Variants in RIC1 observed in about 807,000 individuals in gnomAD.
RIC1 encodes the protein guanine nucleotide exchange factor subunit RIC1.
RIC1 carries 88 observed loss-of-function variants against 169.0 expected under a neutral mutation model. The ratio of observed to expected loss-of-function variants is 0.52; its 90% confidence interval spans 0.44 to 0.62. The LOEUF (loss-of-function observed/expected upper bound fraction) is 0.62, where lower values mean the gene tolerates loss of function less well. Ranked by LOEUF, RIC1 falls within the 20% of genes least tolerant of loss-of-function variation. The pLI is 0.00. For synonymous variants in RIC1, 790 were observed against 601.5 expected (o/e 1.31, Z -4.59); for missense variants, 1,877 against 1,725.5 (o/e 1.09, Z -1.56).
At position 5,769,039 on chromosome 9, in the gene RIC1, C is replaced by T. The variant is rs1327754155; in HGVS notation, c.3207C>T (p.Arg1069=). Residue 1069 remains arginine (R), a synonymous_variant, in exon 22 of 26, where the codon CGC becomes CGT. Transcript: ENST00000414202. ...TGATGCTCTGGAGACATGCTCGGCG[C>T]CTCTTAGAAGATGTGAGGTTAAAGG... ...IDMMLWRHAR[R]LLEDVRLKDL... 2 of 1,613,958 alleles carry T rather than the reference C, an allele frequency of 1.2e-6. No homozygotes were observed. Among genetic ancestry groups the T allele is most frequent in the Admixed American group, 3.3e-5 (2 of 59,998 alleles).
In RIC1 at chr9:5,756,309, T is replaced by C; in HGVS notation, c.1790T>C (p.Met597Thr). Residue 597 changes from methionine to threonine, a missense_variant, in exon 16 of 26, where the codon ATG becomes ACG. Around this residue, in one of 3 missense-constraint regions of RIC1, gnomAD observed 1,104 missense variants for 992.0 expected, o/e 1.11. Transcript: ENST00000414202. ...TTACTGCTTAGTGTCTTCCAGGACA[T>C]GGTAATAGTATTTAGAGCAGACTGT... ...ETLLLSVFQD[M>T]VIVFRADCSI... is the part of the protein sequence containing the mutation. 2 of 1,598,328 alleles carry C rather than the reference T, an allele frequency of 1.3e-6. No homozygotes were observed. Among genetic ancestry groups the C allele is most frequent in the South Asian group, 1.1e-5 (1 of 88,374 alleles).
intron 2 of RIC1, among the ~76,000 whole-genome samples, chr9:5,671,899 C>A (rs1197495915): frequency 1.3e-5 from 2 of 152,156 alleles, no homozygotes; most frequent in African/African-American, 4.8e-5. Context: ...TCTAAGTGAG[C>A]TTAAAAAAGT....
chr9:5,715,563 A>C (rs963684468), intron 4 of RIC1, among the ~76,000 whole-genome samples: 1 of 152,186 alleles, frequency 6.6e-6, no homozygotes, highest in Admixed American at 6.5e-5. Context: ...AAGACATGAA[A>C]CTTAGATTTT....
At chr9:5,700,672 G>A (rs756446974) in intron 3 of RIC1, among the ~76,000 whole-genome samples, 3 of 151,848 alleles carry the variant, frequency 2.0e-5, no homozygotes, top group Non-Finnish European at 4.4e-5. Flanking sequence ...CATTTCATGA[G>A]CAGGTATTTT....
chr9:5,639,962 T>C (rs1208643238), intron 1 of RIC1, among the ~76,000 whole-genome samples: 1 of 152,204 alleles, frequency 6.6e-6, no homozygotes, highest in Non-Finnish European at 1.5e-5. Context: ...TGCATACCTT[T>C]GTATGTGAAG....
At chr9:5,702,194 A>C (rs1822262574) in intron 3 of RIC1, among the ~76,000 whole-genome samples, 3 of 152,244 alleles carry the variant, frequency 2.0e-5, no homozygotes, top group Admixed American at 2.0e-4. Context: ...TAGCTTTGGG[A>C]GGCAGTTTAG....
intron 6 of RIC1, among the ~76,000 whole-genome samples, chr9:5,727,857 A>C (rs1490480073): frequency 6.6e-6 from 1 of 152,208 alleles, no homozygotes; most frequent in Non-Finnish European, 1.5e-5. Context: ...GCAGAACAGC[A>C]CATATTGCAG....
chr9:5,746,717 C>T (rs984246242), intron 11 of RIC1, among the ~76,000 whole-genome samples: 1 of 152,028 alleles, frequency 6.6e-6, no homozygotes, highest in African/African-American at 2.4e-5. Flanking sequence ...TTATATATCG[C>T]TAATATACAG....
chr9:5,670,062 T>G (rs1240074524), intron 2 of RIC1, among the ~76,000 whole-genome samples: 1 of 152,216 alleles, frequency 6.6e-6, no homozygotes, highest in Admixed American at 6.5e-5. Flanking sequence ...TTGAGGCACA[T>G]CAGGTCTCCA....
chr9:5,656,555 C>T, intron 1 of RIC1, 28 bp from the exon 2 acceptor site: 4 of 1,075,964 alleles, frequency 3.7e-6, no homozygotes, highest in South Asian at 1.7e-5. Context: ...ATAAAAAATA[C>T]AACTTTTTTT....
chr9:5,716,066 A>C lies in RIC1; in HGVS notation c.440+2063A>C, dbSNP rs574445222. ...ACCATGTTGTTGAGGCTGGTCTCAA[A>C]CTCCTAAGCTCAAGCGATCTCCCCT... On this transcript the variant is annotated intron_variant, in intron 4 of 25. Transcript: ENST00000414202. 3.7e-4 allele frequency among the ~76,000 whole-genome samples: 56 copies of C among 151,818 alleles called. No homozygotes were observed. In the East Asian group the frequency reaches 1.0e-2, roughly 27 times the overall value.
intron 2 of RIC1, among the ~76,000 whole-genome samples, chr9:5,663,573 C>G (rs1819582784): frequency 6.6e-6 from 1 of 151,902 alleles, no homozygotes; most frequent in Admixed American, 6.6e-5. Context: ...ATGTAACGCC[C>G]TTTGCCTTTT....
At chr9:5,668,517 T>C (rs768089798) in intron 2 of RIC1, among the ~76,000 whole-genome samples, 20 of 152,204 alleles carry the variant, frequency 1.3e-4, no homozygotes, top group Admixed American at 2.0e-4. Context: ...TCCTATATTA[T>C]GTATGTTGTT....
At chr9:5,769,808 C>G (rs1827073192) in intron 22 of RIC1, 1 of 327,550 alleles carries the variant, frequency 3.1e-6, no homozygotes, top group Non-Finnish European at 5.5e-6. Context: ...TCTTAAGAGC[C>G]AAAGCAAATC....
chr9:5,687,354 G>T (rs143525480), intron 2 of RIC1, among the ~76,000 whole-genome samples: 1 of 152,120 alleles, frequency 6.6e-6, no homozygotes, highest in African/African-American at 2.4e-5. Context: ...TCTGTTATTT[G>T]CATGCTTCCC....
chr9:5,768,640 C>G (rs1268579841), intron 21 of RIC1, among the ~76,000 whole-genome samples: 1 of 152,198 alleles, frequency 6.6e-6, no homozygotes, highest in East Asian at 1.9e-4. Context: ...CTCCTTCCCT[C>G]TTTTCATTGG....
chr9:5,772,753 G>A lies in RIC1; in HGVS notation c.3794+12G>A. 6.3e-7 allele frequency: 1 copy of A among 1,598,248 alleles called. No individual in the cohort carries two copies. The highest frequency in any genetic ancestry group is 1.1e-5 in the South Asian group (1 of 88,238). The stretch of plus-strand genomic sequence containing the variant: ...CAGGTCCAGCTTCGGTGAGTTTCTT[G>A]GCTATTTGAAATCACAGAATGCCTA... On this transcript the variant is annotated intron_variant, in intron 24 of 25. Coordinates refer to ENST00000414202, the MANE Select transcript of RIC1 (RefSeq NM_020829.4).
Position 5,773,200 on chromosome 9 carries a change from T to C in RIC1, c.3983+120T>C, listed in dbSNP as rs577651681. On this transcript the variant is annotated intron_variant, in intron 25 of 25. Coordinates refer to ENST00000414202, the MANE Select transcript of RIC1 (RefSeq NM_020829.4). ...ATTTTATTTATTTATTATATATTAT[T>C]TATTATATGTTCATTTTTAAGCTAC... 8 of 343,036 alleles carry C rather than the reference T, an allele frequency of 2.3e-5. No homozygotes were observed. In the South Asian group the frequency reaches 1.1e-3, roughly 49 times the overall value. 21.2% of individuals were successfully genotyped at this position (343,036 alleles called of 1,614,324 possible).
intron 2 of RIC1, among the ~76,000 whole-genome samples, chr9:5,665,914 C>G (rs529573803): frequency 1.3e-5 from 2 of 152,166 alleles, no homozygotes; most frequent in African/African-American, 2.4e-5. Flanking sequence ...TCAGGAGGAA[C>G]GGGATCAGGG....
Sources: allele counts gnomAD v4.1 joint callset (sites outside exome capture counted in the v4.1 genomes callset), GRCh38; gene constraint gnomAD v4.1.1; regional missense constraint gnomAD v4.1.1; transcripts MANE v1.5; gene names NCBI Gene and HGNC (gene_info 2026-07-23, HGNC 2026-07-21).